Variants in ANKRD36 observed in about 807,000 individuals in gnomAD.
ANKRD36 encodes the protein ankyrin repeat domain-containing protein 36A.
ANKRD36 carries 179 observed loss-of-function variants against 278.1 expected under a neutral mutation model. That is an observed-to-expected ratio of 0.64 (90% CI 0.57 to 0.73). The LOEUF (loss-of-function observed/expected upper bound fraction) is 0.73. Among genes scored for constraint, ANKRD36 ranks in the 30% least tolerant of loss-of-function variants. The probability of loss-of-function intolerance (pLI) is 0.00; values close to 1 mark genes in which losing one functional copy is unlikely to be tolerated. For synonymous variants in ANKRD36, 320 were observed against 641.1 expected (o/e 0.50, Z 7.57); for missense variants, 1,159 against 1,956.7 (o/e 0.59, Z 7.69).
intron 1 of ANKRD36, among the ~76,000 whole-genome samples, chr2:97,114,931 CA>C (rs2034816826): frequency 6.6e-6 from 1 of 151,960 alleles, no homozygotes; most frequent in Admixed American, 6.6e-5. Flanking sequence ...GAAATGGAGT[CA>C]AAAAAGACTT....
At chr2:97,164,913 T>C (rs1232125105) in intron 20 of ANKRD36, among the ~76,000 whole-genome samples, 2 of 152,058 alleles carry the variant, frequency 1.3e-5, no homozygotes, top group Middle Eastern at 3.2e-3. Context: ...CATCTTCTGA[T>C]TACCGGATTG....
intron 52 of ANKRD36, 97 bp from the exon 53 acceptor site, chr2:97,207,714 G>A: frequency 2.0e-6 from 3 of 1,523,504 alleles, no homozygotes; most frequent in Non-Finnish European, 1.8e-6. Context: ...CGCTAATACA[G>A]GCAGGAGGAC....
chr2:97,196,220 A>G (rs1273705943), intron 40 of ANKRD36, among the ~76,000 whole-genome samples: 2 of 151,994 alleles, frequency 1.3e-5, no homozygotes. Flanking sequence ...TTGTTGCGTG[A>G]AAGACATGTG....
chr2:97,139,252 A>G (rs948556655), intron 6 of ANKRD36, among the ~76,000 whole-genome samples: 3 of 152,006 alleles, frequency 2.0e-5, no homozygotes, highest in African/African-American at 4.8e-5. Flanking sequence ...TCCCTATACT[A>G]CTAAAACTTA....
At chr2:97,175,535 C>G (rs540147347) in intron 22 of ANKRD36, among the ~76,000 whole-genome samples, 58 of 151,774 alleles carry the variant, frequency 3.8e-4, no homozygotes, top group Non-Finnish European at 6.6e-4. Flanking sequence ...ATTAGTCTTG[C>G]TAGTGGTCTC....
chr2:97,222,088 T>A (rs562366308), intron 66 of ANKRD36, among the ~76,000 whole-genome samples: 3,471 of 151,860 alleles, frequency 0.023, 118 homozygotes, highest in African/African-American at 0.079. Context: ...CAGATAGTTA[T>A]AGATATGTGG....
Position 97,153,667 on chromosome 2 carries a change from G to A in ANKRD36, c.1194-1008G>A, listed in dbSNP as rs2046696959. On this transcript the variant is annotated intron_variant, in intron 14 of 75. Coordinates refer to ENST00000420699, the MANE Select transcript of ANKRD36 (RefSeq NM_001354587.1). ...CATTGAGTGATTTTAGTTTTAGAAA[G>A]CAGGAGTGGCTCTAGTGAACACAGT... 1.4e-5 allele frequency among the ~76,000 whole-genome samples: 2 copies of A among 146,586 alleles called. 1 individual carries two copies. The highest frequency in any genetic ancestry group is 3.1e-5 in the Non-Finnish European group (2 of 64,872).
chr2:97,177,211 A>T (rs1297814109), intron 22 of ANKRD36, among the ~76,000 whole-genome samples: 1 of 152,002 alleles, frequency 6.6e-6, no homozygotes, highest in African/African-American at 2.4e-5. Flanking sequence ...TTCCATGCTC[A>T]TGCATAGGAA....
intron 22 of ANKRD36, among the ~76,000 whole-genome samples, chr2:97,179,073 C>G (rs1432611493): frequency 1.3e-5 from 2 of 151,160 alleles, no homozygotes; most frequent in African/African-American, 4.9e-5. Context: ...TATATTATAC[C>G]TTGTTGCAAT....
chr2:97,228,410 T>C (rs2070702556), intron 67 of ANKRD36, among the ~76,000 whole-genome samples: 1 of 152,126 alleles, frequency 6.6e-6, no homozygotes, highest in Non-Finnish European at 1.5e-5. Context: ...CTAGATTTTC[T>C]AGTTTATTTG....
intron 22 of ANKRD36, among the ~76,000 whole-genome samples, chr2:97,173,464 G>A (rs1254161951): frequency 6.6e-6 from 1 of 151,912 alleles, no homozygotes; most frequent in East Asian, 1.9e-4. Flanking sequence ...GGCTGCTTTT[G>A]TGAAGAAGGA....
chr2:97,197,771 AT>A (rs2060187998), intron 42 of ANKRD36, among the ~76,000 whole-genome samples: 1 of 151,932 alleles, frequency 6.6e-6, no homozygotes, highest in Non-Finnish European at 1.5e-5. Flanking sequence ...AATTGATGAT[AT>A]TTTTATTGAG....
intron 28 of ANKRD36, among the ~76,000 whole-genome samples, chr2:97,184,953 C>T (rs866427479): frequency 6.6e-6 from 1 of 151,730 alleles, no homozygotes; most frequent in South Asian, 2.1e-4. Flanking sequence ...GCATGAAAGA[C>T]ATGGAGGATG....
At chr2:97,259,922 C>T (rs1156584008) in intron 75 of ANKRD36, among the ~76,000 whole-genome samples, 7 of 308 alleles carry the variant, frequency 0.023, 1 homozygote, top group African/African-American at 0.2. Context: ...CAGTCACAGG[C>T]TCAGGCTCCA....
chr2:97,231,138 C>T (rs1489124697), intron 67 of ANKRD36, among the ~76,000 whole-genome samples: 6 of 152,108 alleles, frequency 3.9e-5, no homozygotes, highest in South Asian at 2.1e-4. Flanking sequence ...AGATCTCCAG[C>T]TGCATGCTGG....
intron 12 of ANKRD36, among the ~76,000 whole-genome samples, chr2:97,149,786 ACT>A (rs1206694277): frequency 6.6e-6 from 1 of 151,508 alleles, no homozygotes; most frequent in African/African-American, 2.4e-5. Context: ...TCATGGAATC[ACT>A]CTGTTACACA....
intron 22 of ANKRD36, among the ~76,000 whole-genome samples, chr2:97,174,064 ATATTGG>A (rs2053507336): frequency 1.1e-4 from 16 of 151,216 alleles, no homozygotes. Flanking sequence ...GTATTATGTC[ATATTGG>A]TTGGTTATTT....
chr2:97,174,567 G>A (rs1315756994), intron 22 of ANKRD36, among the ~76,000 whole-genome samples: 1 of 151,824 alleles, frequency 6.6e-6, no homozygotes, highest in Non-Finnish European at 1.5e-5. Flanking sequence ...CATGTCATCT[G>A]CAAACAGGGA....
chr2:97,227,883 A>G (rs573059342), intron 67 of ANKRD36, among the ~76,000 whole-genome samples: 13 of 152,232 alleles, frequency 8.5e-5, no homozygotes, highest in African/African-American at 2.2e-4. Flanking sequence ...TTCTGCATCT[A>G]TTGAGATAAT....
Sources: allele counts gnomAD v4.1 joint callset (sites outside exome capture counted in the v4.1 genomes callset), GRCh38; gene constraint gnomAD v4.1.1; transcripts MANE v1.5; gene names NCBI Gene and HGNC (gene_info 2026-07-23, HGNC 2026-07-21).